FOXP1: variants seen among roughly 807,000 people sequenced by gnomAD.
FOXP1 encodes forkhead box protein P1.
A neutral mutation model predicts 98.2 loss-of-function variants in FOXP1; 15 were observed. The observed-to-expected ratio is 0.15, with a 90% confidence interval of 0.10 to 0.24. FOXP1 has a LOEUF of 0.24. Among genes scored for constraint, FOXP1 ranks in the 10% least tolerant of loss-of-function variants. The probability of loss-of-function intolerance (pLI) is 1.00; values close to 1 mark genes in which losing one functional copy is unlikely to be tolerated. For synonymous variants in FOXP1, 371 were observed against 314.5 expected (o/e 1.18, Z -1.90); for missense variants, 633 against 848.5 (o/e 0.75, Z 3.15).
intron 5 of FOXP1, among the ~76,000 whole-genome samples, chr3:71,207,421 A>C (rs1366905109): frequency 6.6e-6 from 1 of 152,198 alleles, no homozygotes; most frequent in African/African-American, 2.4e-5. Context: ...GCATCATGGT[A>C]ATGTAGTGAA....
chr3:71,099,012 A>T (rs1378737685), intron 7 of FOXP1, among the ~76,000 whole-genome samples: 2 of 152,224 alleles, frequency 1.3e-5, no homozygotes, highest in Non-Finnish European at 2.9e-5. Flanking sequence ...GCTAATATTC[A>T]TAACAACACC....
At chr3:71,286,531 T>C (rs2072158595) in intron 5 of FOXP1, among the ~76,000 whole-genome samples, 1 of 152,144 alleles carries the variant, frequency 6.6e-6, no homozygotes, top group African/African-American at 2.4e-5. Flanking sequence ...TATAAACAAA[T>C]TTATATTAAT....
intron 3 of FOXP1, among the ~76,000 whole-genome samples, chr3:71,463,848 G>A (rs1003338345): frequency 1.2e-4 from 19 of 152,236 alleles, no homozygotes; most frequent in East Asian, 3.9e-4. Context: ...TTGTAATAAC[G>A]GAAGTATGGA....
At chr3:71,224,587 A>T (rs2065681078) in intron 5 of FOXP1, among the ~76,000 whole-genome samples, 1 of 152,184 alleles carries the variant, frequency 6.6e-6, no homozygotes, top group Admixed American at 6.5e-5. Context: ...CACAGCAAAA[A>T]ACCAGTGAGA....
intron 5 of FOXP1, chr3:71,288,263 A>G (rs538197861): frequency 6.6e-6 from 1 of 152,272 alleles, no homozygotes; most frequent in South Asian, 2.1e-4. Context: ...CACCATCTTA[A>G]CAGTATTTAG....
At chr3:71,035,235 C>T (rs7613097) in intron 11 of FOXP1, among the ~76,000 whole-genome samples, 9,806 of 152,122 alleles carry the variant, frequency 0.064, 1,072 homozygotes, top group African/African-American at 0.22. Flanking sequence ...CAAATTCCTG[C>T]ACCCCATCTC....
At chr3:71,257,367 A>C (rs1480343323) in intron 5 of FOXP1, among the ~76,000 whole-genome samples, 3 of 152,144 alleles carry the variant, frequency 2.0e-5, no homozygotes, top group Non-Finnish European at 4.4e-5. Flanking sequence ...ACCTAAGGTC[A>C]GAAGTTTCGA....
chr3:71,005,359 G>A (rs1005090256), intron 12 of FOXP1, among the ~76,000 whole-genome samples: 1 of 139,644 alleles, frequency 7.2e-6, no homozygotes, highest in African/African-American at 2.6e-5. Flanking sequence ...CATAAGGAGT[G>A]CCCTTTATGA....
At chr3:71,477,330 T>C (rs888316045) in intron 3 of FOXP1, among the ~76,000 whole-genome samples, 1 of 152,228 alleles carries the variant, frequency 6.6e-6, no homozygotes, top group Non-Finnish European at 1.5e-5. Context: ...CATCTCCATG[T>C]AGGGCTCCAA....
intron 6 of FOXP1, among the ~76,000 whole-genome samples, chr3:71,193,879 G>A (rs1458903977): frequency 1.3e-5 from 2 of 152,096 alleles, no homozygotes; most frequent in African/African-American, 2.4e-5. Context: ...AATTCAACCC[G>A]ATGGGTCCTC....
At position 70,958,440 on chromosome 3, in the gene FOXP1, G is replaced by C. The variant is rs2106837917; in HGVS notation, c.*807C>G. 2.3e-6 allele frequency: 1 copy of C among 430,072 alleles called. No homozygotes were observed. The highest frequency in any genetic ancestry group is 4.5e-6 in the Non-Finnish European group (1 of 222,188). The allele number at this position is 430,072 out of a possible 1,614,324, so 26.6% of individuals were successfully genotyped here. A position where few individuals can be genotyped will look rare whatever the true frequency, so the allele number is the denominator to read the frequency against. On this transcript the variant is annotated 3_prime_UTR_variant, in exon 21 of 21. Transcript: ENST00000649528. Reference sequence around the variant, plus strand: ...CAAAACGGAATGTTTTCTGACTTTAGAGAAACGTGGTGATGTCTGAAGGAA... The same window carrying C: ...CAAAACGGAATGTTTTCTGACTTTACAGAAACGTGGTGATGTCTGAAGGAA...
chr3:71,400,824 A>AC (rs1204456341), intron 3 of FOXP1, among the ~76,000 whole-genome samples: 1 of 152,072 alleles, frequency 6.6e-6, no homozygotes, highest in East Asian at 1.9e-4. Flanking sequence ...TAGATGTAGA[A>AC]CCCCCCTGCA....
At chr3:71,344,676 A>C (rs1341354965) in intron 4 of FOXP1, among the ~76,000 whole-genome samples, 1 of 152,034 alleles carries the variant, frequency 6.6e-6, no homozygotes, top group Non-Finnish European at 1.5e-5. Flanking sequence ...CTGTGCACTA[A>C]AAATACAAAA....
At position 71,215,923 on chromosome 3, in the gene FOXP1, G is replaced by A. The variant is rs560824192; in HGVS notation, c.-11-17531C>T. Among the ~76,000 whole-genome samples the A allele has an allele frequency of 2.0e-5, 3 of 152,310 alleles. No homozygotes were observed. The South Asian group carries it at 6.2e-4, about 32-fold the overall frequency. ...GAAATCTAAAGAAAATCTTTAATTG[G>A]CTTTTCAGCAGCATTTCTCCTTTGT... On this transcript the variant is annotated intron_variant, in intron 5 of 20. Coordinates refer to ENST00000649528, the MANE Select transcript of FOXP1 (RefSeq NM_001349338.3).
chr3:71,133,667 C>T (rs182626771), intron 6 of FOXP1, among the ~76,000 whole-genome samples: 8 of 151,582 alleles, frequency 5.3e-5, no homozygotes, highest in African/African-American at 1.9e-4. Flanking sequence ...TAATGTAGTC[C>T]TCCTCTAAAT....
intron 3 of FOXP1, among the ~76,000 whole-genome samples, chr3:71,397,627 T>G (rs1246399972): frequency 6.6e-6 from 1 of 152,186 alleles, no homozygotes; most frequent in Admixed American, 6.5e-5. Flanking sequence ...CTACAAGAGC[T>G]ATCAAGTCTG....
At chr3:71,071,402 C>G (rs1015107932) in intron 7 of FOXP1, among the ~76,000 whole-genome samples, 2 of 152,164 alleles carry the variant, frequency 1.3e-5, no homozygotes, top group African/African-American at 4.8e-5. Flanking sequence ...TCCACAGAGG[C>G]CTCAAGCAGG....
intron 16 of FOXP1, 112 bp downstream of exon 16, chr3:70,977,531 A>C (rs1437044510): frequency 3.5e-6 from 3 of 864,404 alleles, no homozygotes; most frequent in Non-Finnish European, 3.8e-6. Flanking sequence ...CCTTATAGAA[A>C]AGGTTTCAGC....
At chr3:71,382,294 GA>G (rs577493737) in intron 3 of FOXP1, among the ~76,000 whole-genome samples, 1 of 149,074 alleles carries the variant, frequency 6.7e-6, no homozygotes, top group Non-Finnish European at 1.5e-5. Flanking sequence ...AGGTGGGGAG[GA>G]AAAAAAAACA....
Sources: gnomAD v4.1 joint callset for allele counts (sites outside exome capture counted in the v4.1 genomes callset) on GRCh38, gnomAD v4.1.1 for gene constraint, MANE v1.5 for transcripts, NCBI Gene and HGNC (gene_info 2026-07-23, HGNC 2026-07-21) for gene names.